The following POLR3E variants were observed in gnomAD, a reference collection of about 807,000 sequenced individuals.
POLR3E encodes the protein RNA polymerase III subunit E, also known as DNA-directed RNA polymerase III subunit RPC5.
In POLR3E, 41 loss-of-function variants were observed where a neutral mutation model predicts 96.6. That is an observed-to-expected ratio of 0.42 (90% CI 0.33 to 0.55). The LOEUF (loss-of-function observed/expected upper bound fraction) is 0.55, where lower values mean the gene tolerates loss of function less well. POLR3E is among the 20% of genes least tolerant of loss of function. The pLI is 0.06. For missense variants in POLR3E, 849 were observed against 952.1 expected, an observed-to-expected ratio of 0.89 and a Z score of 1.43; for synonymous variants, 396 against 383.6, an observed-to-expected ratio of 1.03 and a Z score of -0.38.
intron 19 of POLR3E, chr16:22,329,148 G>C (rs1364694609): frequency 6.5e-6 from 1 of 152,868 alleles, no homozygotes; most frequent in Non-Finnish European, 1.5e-5. Context: ...TACTGTCCTA[G>C]GTATCTGAAT....
chr16:22,332,487 A>C (rs2048761327), intron 20 of POLR3E, among the ~76,000 whole-genome samples: 1 of 152,122 alleles, frequency 6.6e-6, no homozygotes, highest in African/African-American at 2.4e-5. Context: ...TGCCCCTTTC[A>C]TCCCTCTTCT....
intron 1 of POLR3E, among the ~76,000 whole-genome samples, chr16:22,298,598 C>G (rs1247165105): frequency 6.6e-6 from 1 of 152,288 alleles, no homozygotes; most frequent in Non-Finnish European, 1.5e-5. Flanking sequence ...GGTCCAAGCT[C>G]TTACCCACTT....
intron 1 of POLR3E, among the ~76,000 whole-genome samples, chr16:22,300,366 G>A (rs1180376190): frequency 1.3e-5 from 2 of 152,194 alleles, no homozygotes; most frequent in African/African-American, 2.4e-5. Flanking sequence ...GGAGGATGAA[G>A]GGAGGTGACA....
intron 13 of POLR3E, among the ~76,000 whole-genome samples, chr16:22,319,814 C>T (rs1016653727): frequency 6.6e-6 from 1 of 152,128 alleles, no homozygotes; most frequent in African/African-American, 2.4e-5. Flanking sequence ...ATATCTATCC[C>T]CTCAAACATT....
chr16:22,308,943 A>C lies in POLR3E; in HGVS notation c.184A>C (p.Ile62Leu). ...KQQKVELEMA[I>L]DTLNPNYCRS... is the part of the protein sequence containing the mutation. ...CCTCCAGGTAGAGCTTGAGATGGCC[A>C]TCGACACCCTGAACCCCAACTATTG... The change falls in exon 5 of 21, where the codon ATC (isoleucine) becomes CTC (leucine). Residue 62 changes from isoleucine (I) to leucine (L), a missense_variant. Ile to Leu is a conservative substitution (Grantham distance 5). Coordinates refer to ENST00000299853, the MANE Select transcript of POLR3E (RefSeq NM_018119.4). The C allele has an allele frequency of 6.2e-7, 1 of 1,613,680 alleles. No homozygotes were observed. Among genetic ancestry groups the C allele is most frequent in the Non-Finnish European group, 8.5e-7 (1 of 1,179,674 alleles).
At chr16:22,302,619 A>G (rs2048049613) in intron 1 of POLR3E, 2 of 289,146 alleles carry the variant, frequency 6.9e-6, no homozygotes, top group African/African-American at 4.4e-5. Flanking sequence ...TCTGTCTGGC[A>G]GTGAATTCTC....
chr16:22,298,841 G>C, intron 1 of POLR3E: 2 of 375,932 alleles, frequency 5.3e-6, no homozygotes, highest in East Asian at 7.4e-5. Flanking sequence ...TGTCAACTTC[G>C]TGCCAGGCAC....
chr16:22,324,329 G>A, intron 14 of POLR3E, 25 bp from the exon 15 acceptor site: 13 of 1,608,408 alleles, frequency 8.1e-6, no homozygotes, highest in Non-Finnish European at 1.1e-5. Flanking sequence ...GCCGCCCCTG[G>A]AATGTGCTGC....
chr16:22,326,500 G>GT, intron 18 of POLR3E: 1 of 594,260 alleles, frequency 1.7e-6, no homozygotes, highest in East Asian at 2.9e-5. Flanking sequence ...GCTAAATACG[G>GT]TGTCTGAAGG....
intron 2 of POLR3E, 120 bp downstream of exon 2, chr16:22,303,124 T>G: frequency 2.1e-6 from 2 of 932,782 alleles, no homozygotes; most frequent in Non-Finnish European, 3.5e-6. Flanking sequence ...ACCCTTGCTG[T>G]TCCCTCTGCC....
rs1443557119 is a variant in POLR3E, at chr16:22,332,611, C to T, written c.2070+426C>T. On this transcript the variant is annotated intron_variant, in intron 20 of 20. Coordinates refer to ENST00000299853, the MANE Select transcript of POLR3E (RefSeq NM_018119.4). ...TTGGATGAGCTTGGCAGTGGGTAGG[C>T]GTCTTCTAAAATGATAGGGCCTAGT... 5.3e-5 allele frequency among the ~76,000 whole-genome samples: 8 copies of T among 152,050 alleles called. No homozygotes were observed. The South Asian group carries it at 8.3e-4, about 16-fold the overall frequency.
intron 6 of POLR3E, among the ~76,000 whole-genome samples, chr16:22,312,973 T>G (rs1033888574): frequency 6.7e-5 from 10 of 148,522 alleles, no homozygotes; most frequent in African/African-American, 2.5e-4. Flanking sequence ...CAAAATGGGA[T>G]AGGATCAAAA....
At chr16:22,303,622 G>A (rs191985992) in intron 2 of POLR3E, among the ~76,000 whole-genome samples, 1 of 141,904 alleles carries the variant, frequency 7.0e-6, no homozygotes, top group East Asian at 2.0e-4. Context: ...GGTACAGGCA[G>A]TGGGAGGCAG....
At chr16:22,304,304 T>G (rs943949528) in intron 2 of POLR3E, among the ~76,000 whole-genome samples, 6 of 151,936 alleles carry the variant, frequency 3.9e-5, no homozygotes, top group Non-Finnish European at 7.4e-5. Flanking sequence ...TGAATAGAGG[T>G]GGTTTTTCCT....
intron 19 of POLR3E, among the ~76,000 whole-genome samples, chr16:22,330,512 TTTCACTTG>T: frequency 6.6e-6 from 1 of 152,246 alleles, no homozygotes; most frequent in African/African-American, 2.4e-5. Flanking sequence ...TGCTTCCTGT[TTTCACTTG>T]TGTAATTTTC....
rs1246654863 is a variant in POLR3E, at chr16:22,318,388, C to A, written c.866-438C>A. Among the ~76,000 whole-genome samples the A allele has an allele frequency of 1.3e-5, 2 of 152,196 alleles. No homozygotes were observed. The highest frequency in any genetic ancestry group is 2.9e-5 in the Non-Finnish European group (2 of 68,032). On this transcript the variant is annotated intron_variant, in intron 12 of 20. Transcript: ENST00000299853. This position sits in a 1 kb window ranked among gnomAD's most constrained non-coding sequence, Gnocchi z 5.0. ...TGATTACAGGTGTGAGCCAAAGCGC[C>A]CAGCCAAATTTTGGACTTTCCCTGG...
chr16:22,328,741 T>TAACA, intron 19 of POLR3E, 154 bp downstream of exon 19: 1 of 655,230 alleles, frequency 1.5e-6, no homozygotes, highest in East Asian at 2.8e-5. Context: ...CTCTGTACGC[T>TAACA]AACAAAATAA....
At chr16:22,305,376 A>C in intron 3 of POLR3E, 170 bp downstream of exon 3, 1 of 707,128 alleles carries the variant, frequency 1.4e-6, no homozygotes, top group Non-Finnish European at 2.6e-6. Flanking sequence ...TCTCATTTCA[A>C]AGATGGGAAA....
At chr16:22,298,765 G>A (rs1345340530) in intron 1 of POLR3E, among the ~76,000 whole-genome samples, 3 of 152,176 alleles carry the variant, frequency 2.0e-5, no homozygotes, top group Non-Finnish European at 1.5e-5. Flanking sequence ...AATTGAAGAT[G>A]ATAAATCTCT....
Sources: allele counts gnomAD v4.1 joint callset (sites outside exome capture counted in the v4.1 genomes callset), GRCh38; gene constraint gnomAD v4.1.1; non-coding constraint Gnocchi (gnomAD v3.1); transcripts MANE v1.5; gene names NCBI Gene and HGNC (gene_info 2026-07-23, HGNC 2026-07-21).